The following SLC33A1 variants were observed in gnomAD, a reference collection of about 807,000 sequenced individuals.
The protein encoded by SLC33A1 is acetyl-coenzyme A transporter 1.
SLC33A1 carries 20 observed loss-of-function variants against 50.0 expected under a neutral mutation model. The observed-to-expected ratio is 0.40, with a 90% confidence interval of 0.28 to 0.58. The LOEUF (loss-of-function observed/expected upper bound fraction) is 0.58. SLC33A1 is among the 20% of genes least tolerant of loss of function. SLC33A1 has a pLI of 0.44. For synonymous variants in SLC33A1, 265 were observed against 251.8 expected, an observed-to-expected ratio of 1.05 and a Z score of -0.50; for missense variants, 476 against 657.0, an observed-to-expected ratio of 0.72 and a Z score of 3.01.
intron 2 of SLC33A1, among the ~76,000 whole-genome samples, chr3:155,837,974 A>T (rs964934993): frequency 6.6e-6 from 1 of 152,178 alleles, no homozygotes; most frequent in Non-Finnish European, 1.5e-5. Flanking sequence ...CAGCAATCAT[A>T]TTACATTCAT....
chr3:155,828,668 C>T (rs923435292), intron 5 of SLC33A1, among the ~76,000 whole-genome samples: 14 of 152,116 alleles, frequency 9.2e-5, no homozygotes, highest in Non-Finnish European at 1.5e-4. Flanking sequence ...TGGCTCACTG[C>T]GGTCTCTGGC....
chr3:155,831,290 T>C (rs376018949), intron 4 of SLC33A1, among the ~76,000 whole-genome samples: 40 of 151,642 alleles, frequency 2.6e-4, no homozygotes, highest in African/African-American at 8.5e-4. Flanking sequence ...AACCCGTCTC[T>C]ACTAAAAATA....
At chr3:155,849,909 G>GAATAATAATAAT (rs71138683) in intron 1 of SLC33A1, among the ~76,000 whole-genome samples, 30 of 133,992 alleles carry the variant, frequency 2.2e-4, no homozygotes, top group South Asian at 5.0e-4. Context: ...CTCCATCTCA[G>GAATAATAATAAT]AATAATAATA....
intron 1 of SLC33A1, among the ~76,000 whole-genome samples, chr3:155,847,044 C>T (rs1753202593): frequency 6.6e-6 from 1 of 151,410 alleles, no homozygotes; most frequent in African/African-American, 2.4e-5. Flanking sequence ...CCTGTCTCTA[C>T]TAAAAATACA....
chr3:155,846,886 T>G (rs1753196957), intron 1 of SLC33A1, among the ~76,000 whole-genome samples: 1 of 152,096 alleles, frequency 6.6e-6, no homozygotes, highest in African/African-American at 2.4e-5. Flanking sequence ...TTCATTTTAT[T>G]CAATAAATTA....
Position 155,854,353 on chromosome 3 carries a change from G to A in SLC33A1, c.-356C>T. Reference sequence around the variant, plus strand: ...GGCGGGATCGAACGGCTGGTCTCCCGACCCAACACCTCCAGCTCTCGCTGC... The same window carrying A: ...GGCGGGATCGAACGGCTGGTCTCCCAACCCAACACCTCCAGCTCTCGCTGC... On this transcript the variant is annotated 5_prime_UTR_variant, in exon 1 of 6. Coordinates refer to ENST00000643144, the MANE Select transcript of SLC33A1 (RefSeq NM_004733.4). The A allele has an allele frequency of 9.1e-6, 2 of 219,848 alleles. No individual in the cohort carries two copies. Among genetic ancestry groups the A allele is most frequent in the East Asian group, 9.3e-5 (1 of 10,702 alleles). The allele number at this position is 219,848 out of a possible 1,614,324, so 13.6% of individuals were successfully genotyped here.
intron 5 of SLC33A1, 58 bp downstream of exon 5, chr3:155,829,630 C>A (rs757046463): frequency 8.8e-6 from 11 of 1,243,776 alleles, no homozygotes; most frequent in Non-Finnish European, 1.2e-5. Context: ...AGAGACAAAA[C>A]AAAGATATTA....
At chr3:155,840,655 A>T (rs966133028) in intron 2 of SLC33A1, among the ~76,000 whole-genome samples, 6 of 152,074 alleles carry the variant, frequency 3.9e-5, no homozygotes, top group African/African-American at 1.2e-4. Flanking sequence ...TCTCTACTAA[A>T]AATACAAAAT....
rs1752090242 is a variant in SLC33A1, at chr3:155,821,562, GTT to G, written c.*6646_*6647del. 1 of 152,228 alleles carries G rather than the reference GTT, an allele frequency of 6.6e-6. No homozygotes were observed. The highest frequency in any genetic ancestry group is 2.1e-4 in the South Asian group (1 of 4,824). The allele number at this position is 152,228 out of a possible 1,614,324, so 9.4% of individuals were successfully genotyped here. On this transcript the variant is annotated 3_prime_UTR_variant, in exon 6 of 6. Coordinates refer to ENST00000643144, the MANE Select transcript of SLC33A1 (RefSeq NM_004733.4). Reference sequence around the variant, plus strand: ...GCTCACCGCAACCCCTGCCTCCCGGGTTCAAGCGATTCTCCTGCCTCAGCCTC... The same window carrying G: ...GCTCACCGCAACCCCTGCCTCCCGGGCAAGCGATTCTCCTGCCTCAGCCTC...
intron 1 of SLC33A1, among the ~76,000 whole-genome samples, chr3:155,844,188 G>A (rs150137957): frequency 9.5e-4 from 144 of 151,954 alleles, no homozygotes; most frequent in Admixed American, 4.2e-3. Flanking sequence ...GATCAATTTC[G>A]CCTTGGTATT....
At chr3:155,836,276 C>T (rs1390903813) in intron 2 of SLC33A1, among the ~76,000 whole-genome samples, 1 of 42,036 alleles carries the variant, frequency 2.4e-5, no homozygotes, top group Non-Finnish European at 3.7e-5. Flanking sequence ...GAGTGAGACT[C>T]TGTCAAAAAA....
rs1407052486 is a variant in SLC33A1 at position 155,825,396 on chromosome 3, T to A, written c.*2814A>T. ...GTCTTGAACTCTTGACCTCAAGTGA[T>A]CCTCCTGCCTTGGCCTCCTAAAGTG... On this transcript the variant is annotated 3_prime_UTR_variant, in exon 6 of 6. Coordinates refer to ENST00000643144, the MANE Select transcript of SLC33A1 (RefSeq NM_004733.4). The A allele has an allele frequency of 6.6e-6, 1 of 152,038 alleles. No individual in the cohort carries two copies. The highest frequency in any genetic ancestry group is 2.4e-5 in the African/African-American group (1 of 41,384). 9.4% of individuals were successfully genotyped at this position (152,038 alleles called of 1,614,324 possible).
chr3:155,854,170 C>T lies in SLC33A1; in HGVS notation c.-173G>A. 2.0e-6 allele frequency: 1 copy of T among 509,390 alleles called. No individual in the cohort carries two copies. The highest frequency in any genetic ancestry group is 3.4e-6 in the Non-Finnish European group (1 of 295,050). 31.6% of individuals were successfully genotyped at this position (509,390 alleles called of 1,614,324 possible). A position where few individuals can be genotyped will look rare whatever the true frequency, so the allele number is the denominator to read the frequency against. The stretch of plus-strand genomic sequence containing the variant: ...TTACTGCAGCCCGGAGTGCTGAAGC[C>T]GGGAGCCAGTCCTCTGGCTAGAGGC... On this transcript the variant is annotated 5_prime_UTR_variant, in exon 1 of 6. Coordinates refer to ENST00000643144, the MANE Select transcript of SLC33A1 (RefSeq NM_004733.4).
intron 1 of SLC33A1, among the ~76,000 whole-genome samples, chr3:155,848,481 G>A (rs374466645): frequency 2.0e-5 from 3 of 152,152 alleles, no homozygotes; most frequent in East Asian, 3.8e-4. Flanking sequence ...AGGGGATTGA[G>A]ACCATCCTGG....
In SLC33A1 at chr3:155,854,303, A is replaced by C; in HGVS notation, c.-306T>G. 3.4e-6 allele frequency: 1 copy of C among 289,916 alleles called. No homozygotes were observed. The highest frequency in any genetic ancestry group is 6.4e-6 in the Non-Finnish European group (1 of 155,744). 18.0% of individuals were successfully genotyped at this position (289,916 alleles called of 1,614,324 possible). A position where few individuals can be genotyped will look rare whatever the true frequency, so the allele number is the denominator to read the frequency against. ...GGCTGGAGGTGTGTGCCGTGGTGCC[A>C]GGATGGAAACCAGCTCCTACCTGCG... On this transcript the variant is annotated 5_prime_UTR_variant, in exon 1 of 6. Coordinates refer to ENST00000643144, the MANE Select transcript of SLC33A1 (RefSeq NM_004733.4).
intron 2 of SLC33A1, among the ~76,000 whole-genome samples, chr3:155,838,747 G>A (rs1752805272): frequency 6.6e-6 from 1 of 151,852 alleles, no homozygotes; most frequent in Non-Finnish European, 1.5e-5. Context: ...CTACTTGAGA[G>A]GCTGAGGTGG....
At position 155,825,971 on chromosome 3, in the gene SLC33A1, T is replaced by G. The variant is rs139620783; in HGVS notation, c.*2239A>C. On this transcript the variant is annotated 3_prime_UTR_variant, in exon 6 of 6. Coordinates refer to ENST00000643144, the MANE Select transcript of SLC33A1 (RefSeq NM_004733.4). ...GTTATTTTGACATGCATTACATACA[T>G]GTATTCAAATTAACTATAATTTTTT... 25 of 152,366 alleles carry G rather than the reference T, an allele frequency of 1.6e-4. No individual in the cohort carries two copies. In the East Asian group the frequency reaches 4.6e-3, roughly 28 times the overall value. The allele number at this position is 152,366 out of a possible 1,614,324, so 9.4% of individuals were successfully genotyped here.
At chr3:155,836,280 CAAAAAAAAAAAAAAAAAAAA>C (rs57460942) in intron 2 of SLC33A1, among the ~76,000 whole-genome samples, 9 of 27,170 alleles carry the variant, frequency 3.3e-4, no homozygotes, top group South Asian at 2.7e-3. Flanking sequence ...GAGACTCTGT[CAAAAAAAAAAAAAAAAAAAA>C]AAAAAAAAAA....
At chr3:155,847,696 C>T (rs1029319248) in intron 1 of SLC33A1, among the ~76,000 whole-genome samples, 4 of 151,630 alleles carry the variant, frequency 2.6e-5, no homozygotes, top group Non-Finnish European at 4.4e-5. Context: ...TGCAGTGAGC[C>T]GAGATCACGC....
Sources: gnomAD v4.1 joint callset for allele counts (sites outside exome capture counted in the v4.1 genomes callset) on GRCh38, gnomAD v4.1.1 for gene constraint, MANE v1.5 for transcripts, NCBI Gene and HGNC (gene_info 2026-07-23, HGNC 2026-07-21) for gene names.